Variants in ORC1 observed in about 807,000 individuals in gnomAD.
ORC1 encodes origin recognition complex subunit 1, also known as origin recognition complex, subunit 1 homolog.
A neutral mutation model predicts 98.9 loss-of-function variants in ORC1; 61 were observed. The observed-to-expected ratio is 0.62, with a 90% CI of 0.50 to 0.76. ORC1 has a LOEUF of 0.76. Among genes scored for constraint, ORC1 ranks in the 30% least tolerant of loss-of-function variants. ORC1 has a pLI of 0.00. For synonymous variants in ORC1, 385 were observed against 406.9 expected (o/e 0.95, Z 0.65); for missense variants, 979 against 1,072.2 (o/e 0.91, Z 1.21).
At chr1:52,387,166 AGGTGAGT>A (rs1647153129) in intron 8 of ORC1, among the ~76,000 whole-genome samples, 1 of 152,092 alleles carries the variant, frequency 6.6e-6, no homozygotes. Context: ...ACACAGCAGG[AGGTGAGT>A]GGTGGGTGGG....
upstream of ORC1, among the ~76,000 whole-genome samples, chr1:52,406,235 C>T (rs937000726): frequency 6.7e-6 from 1 of 148,220 alleles, no homozygotes; most frequent in Admixed American, 6.8e-5. Flanking sequence ...GTAATCCCCT[C>T]CCCCCCCGGG....
At position 52,388,655 on chromosome 1, in the gene ORC1, A is replaced by AT; in HGVS notation, c.1188-19dup. The AT allele has an allele frequency of 1.3e-6, 2 of 1,597,572 alleles. No homozygotes were observed. The highest frequency in any genetic ancestry group is 1.7e-6 in the Non-Finnish European group (2 of 1,165,722). On this transcript the variant is annotated intron_variant, in intron 7 of 16. Transcript: ENST00000371568. ...CTAGAAACCTGAATGGTAGGGACAT[A>AT]TTTTTTGATACTCAGTGTTCAAGTC...
At chr1:52,399,597 C>T (rs541951441) in intron 3 of ORC1, among the ~76,000 whole-genome samples, 1 of 125,830 alleles carries the variant, frequency 7.9e-6, no homozygotes, top group Non-Finnish European at 1.6e-5. Flanking sequence ...GCACTCCAGA[C>T]TGGGCGACAC....
At chr1:52,377,926 G>C (rs1647015399) in intron 14 of ORC1, among the ~76,000 whole-genome samples, 1 of 152,154 alleles carries the variant, frequency 6.6e-6, no homozygotes, top group South Asian at 2.1e-4. Context: ...CATAACTATA[G>C]GATATAGAAT....
At chr1:52,388,668 C>G in intron 7 of ORC1, 31 bp from the exon 8 acceptor site, 1 of 1,574,912 alleles carries the variant, frequency 6.3e-7, no homozygotes, top group Non-Finnish European at 8.7e-7. Context: ...TTTTGATACT[C>G]AGTGTTCAAG....
At chr1:52,385,118 G>A (rs377031361) in intron 10 of ORC1, 43 bp downstream of exon 10, 2 of 1,194,678 alleles carry the variant, frequency 1.7e-6, no homozygotes, top group East Asian at 2.3e-5. Context: ...CACTAGCAGG[G>A]GCCTTATTCC....
chr1:52,402,786 C>T (rs566330495), intron 1 of ORC1, among the ~76,000 whole-genome samples: 127 of 152,152 alleles, frequency 8.3e-4, no homozygotes, highest in African/African-American at 2.9e-3. Context: ...ATACAAAAAT[C>T]AGGTGGGCAT....
rs377164890 is a variant in ORC1 at position 52,388,586 on chromosome 1, T to G, written c.1239A>C (p.Ala413=). 1.5e-4 allele frequency: 244 copies of G among 1,614,160 alleles called. No individual in the cohort carries two copies. In the Middle Eastern group the frequency reaches 2.8e-3, roughly 19 times the overall value. Residue 413 remains alanine (A), a synonymous_variant, in exon 8 of 17, where the codon GCA becomes GCC. Coordinates refer to ENST00000371568, the MANE Select transcript of ORC1 (RefSeq NM_004153.4). The stretch of plus-strand genomic sequence containing the variant: ...CACTGCTAGAGTCTGAAATCTCTGC[T>G]GCTGGCAGAATCTCTTTCTCTTCTT... ...SDQEEKEILP[A]AEISDSSSDE... is the part of the protein sequence containing the mutation.
upstream of ORC1, chr1:52,404,684 C>T (rs1199468583): frequency 6.4e-7 from 1 of 1,556,520 alleles, no homozygotes; most frequent in Non-Finnish European, 8.7e-7. Context: ...CCTCTAGGTG[C>T]TTTTTCTGAA....
At chr1:52,374,135 T>C (rs924407552) in intron 16 of ORC1, among the ~76,000 whole-genome samples, 1 of 152,154 alleles carries the variant, frequency 6.6e-6, no homozygotes, top group African/African-American at 2.4e-5. Context: ...CAAACTAAAA[T>C]GAAAGTCACT....
intron 14 of ORC1, among the ~76,000 whole-genome samples, chr1:52,375,894 A>G (rs1646989660): frequency 6.6e-6 from 1 of 152,218 alleles, no homozygotes; most frequent in African/African-American, 2.4e-5. Flanking sequence ...TCACTATTGA[A>G]GCATCTGCAA....
At chr1:52,397,530 G>A (rs544162753) in intron 4 of ORC1, among the ~76,000 whole-genome samples, 155 bp downstream of exon 4, 1 of 152,266 alleles carries the variant, frequency 6.6e-6, no homozygotes, top group East Asian at 1.9e-4. Context: ...ATAAATATCT[G>A]TTGAGATGAA....
At chr1:52,402,000 C>CT (rs1647731393) in intron 2 of ORC1, 129 bp downstream of exon 2, 4 of 783,228 alleles carry the variant, frequency 5.1e-6, no homozygotes, top group Non-Finnish European at 6.7e-6. Context: ...CAAAACCCTC[C>CT]TTACAATCAG....
chr1:52,399,014 A>C (rs1037422593), intron 3 of ORC1, among the ~76,000 whole-genome samples: 1 of 152,142 alleles, frequency 6.6e-6, no homozygotes, highest in Non-Finnish European at 1.5e-5. Flanking sequence ...CAGCAATCTA[A>C]TTCCAGCCCA....
intron 14 of ORC1, among the ~76,000 whole-genome samples, chr1:52,377,129 T>C: frequency 6.6e-6 from 1 of 151,418 alleles, no homozygotes; most frequent in Non-Finnish European, 1.5e-5. Context: ...TTCAAGCGAT[T>C]CTCCTGCCTC....
chr1:52,401,594 T>C (rs1388867755), intron 2 of ORC1, 105 bp from the exon 3 acceptor site: 1 of 1,360,370 alleles, frequency 7.4e-7, no homozygotes, highest in African/African-American at 1.4e-5. Context: ...GATTTCTTTC[T>C]GCTGACCAAC....
chr1:52,394,167 T>C (rs1247646199), intron 5 of ORC1, among the ~76,000 whole-genome samples: 1 of 152,214 alleles, frequency 6.6e-6, no homozygotes, highest in African/African-American at 2.4e-5. Flanking sequence ...TGAAGAGATT[T>C]ATACTAGAGA....
intron 1 of ORC1, 81 bp from the exon 2 acceptor site, chr1:52,402,309 T>C: frequency 2.0e-6 from 2 of 1,012,926 alleles, no homozygotes; most frequent in East Asian, 2.4e-5. Context: ...AGTCAGTCCC[T>C]CCCTTCAAAT....
chr1:52,404,602 A>C (rs1422131723), upstream of ORC1: 1 of 786,940 alleles, frequency 1.3e-6, no homozygotes, highest in Non-Finnish European at 2.0e-6. Context: ...GAAGCCCTTT[A>C]CACTACGGTG....
Sources: allele counts gnomAD v4.1 joint callset (sites outside exome capture counted in the v4.1 genomes callset), GRCh38; gene constraint gnomAD v4.1.1; transcripts MANE v1.5; gene names NCBI Gene and HGNC (gene_info 2026-07-23, HGNC 2026-07-21).